Variants in AGMO observed in about 807,000 individuals in gnomAD.
AGMO encodes the protein alkylglycerol monooxygenase, also known as glyceryl-ether monooxygenase.
Under a neutral mutation model 60.2 loss-of-function variants are expected in AGMO, and 75 were observed. The observed-to-expected ratio is 1.25, with a 90% CI of 1.03 to 1.51. The LOEUF (loss-of-function observed/expected upper bound fraction) is 1.51. Among genes scored for constraint, AGMO ranks in the 40% most tolerant of loss-of-function variants. The pLI, the probability that AGMO is intolerant of heterozygous loss-of-function variation, is 0.00. For missense variants in AGMO, 763 were observed against 525.5 expected (o/e 1.45, Z -4.42); for synonymous variants, 261 against 177.1 (o/e 1.47, Z -3.76).
intron 3 of AGMO, among the ~76,000 whole-genome samples, chr7:15,478,644 A>T (rs1212104940): frequency 6.6e-6 from 1 of 152,058 alleles, no homozygotes; most frequent in Non-Finnish European, 1.5e-5. Flanking sequence ...AGAACACTAC[A>T]CATCACGTTG....
chr7:15,503,724 GAAAT>G (rs1783443976), intron 3 of AGMO, among the ~76,000 whole-genome samples: 1 of 151,918 alleles, frequency 6.6e-6, no homozygotes, highest in Non-Finnish European at 1.5e-5. Context: ...GAATGTCATT[GAAAT>G]AGACTTAAAA....
At chr7:15,374,141 C>T (rs745820591) in intron 10 of AGMO, among the ~76,000 whole-genome samples, 1 of 151,568 alleles carries the variant, frequency 6.6e-6, no homozygotes, top group Non-Finnish European at 1.5e-5. Flanking sequence ...TGACACCATA[C>T]TGCAATGTAT....
At chr7:15,290,148 G>C (rs1784220623) in intron 12 of AGMO, among the ~76,000 whole-genome samples, 1 of 151,286 alleles carries the variant, frequency 6.6e-6, no homozygotes, top group South Asian at 2.1e-4. Context: ...TCCTACCTCA[G>C]CCTCCTGAGT....
chr7:15,193,847 T>A, the AGMO span, among the ~76,000 whole-genome samples: 1 of 152,198 alleles, frequency 6.6e-6, no homozygotes, highest in Non-Finnish European at 1.5e-5. Flanking sequence ...CAGCAAAACA[T>A]ACTTTTATTT....
intron 12 of AGMO, among the ~76,000 whole-genome samples, chr7:15,332,853 A>T (rs1408906500): frequency 6.6e-6 from 1 of 152,026 alleles, no homozygotes; most frequent in Non-Finnish European, 1.5e-5. Context: ...ACATTTTCCT[A>T]TCCTAATACT....
At chr7:15,463,177 A>G (rs1342219836) in intron 3 of AGMO, among the ~76,000 whole-genome samples, 2 of 152,212 alleles carry the variant, frequency 1.3e-5, no homozygotes, top group African/African-American at 2.4e-5. Flanking sequence ...TTTAAAATAT[A>G]CAGAAAGTAT....
the AGMO span, among the ~76,000 whole-genome samples, chr7:15,179,686 C>T: frequency 1.1e-4 from 17 of 152,248 alleles, no homozygotes; most frequent in Non-Finnish European, 2.2e-4. Context: ...CTCCTCTAGG[C>T]ACTGCCCTAG....
intron 12 of AGMO, among the ~76,000 whole-genome samples, chr7:15,268,199 G>C (rs547082198): frequency 6.6e-6 from 1 of 151,920 alleles, no homozygotes; most frequent in East Asian, 1.9e-4. Flanking sequence ...ATAGTCTTAT[G>C]AAGTCTCAGT....
intron 12 of AGMO, among the ~76,000 whole-genome samples, chr7:15,317,238 A>C (rs1780953215): frequency 6.6e-6 from 1 of 152,148 alleles, no homozygotes; most frequent in Non-Finnish European, 1.5e-5. Flanking sequence ...TCAGTTTAAG[A>C]TTATTTTTAT....
At chr7:15,340,561 G>A (rs781130923) in intron 12 of AGMO, among the ~76,000 whole-genome samples, 7 of 152,242 alleles carry the variant, frequency 4.6e-5, no homozygotes, top group Middle Eastern at 6.8e-3. Flanking sequence ...CTGTGTCCCA[G>A]CCACTCCAGC....
intron 12 of AGMO, among the ~76,000 whole-genome samples, chr7:15,364,892 G>A (rs1459100429): frequency 3.9e-5 from 6 of 151,988 alleles, no homozygotes; most frequent in African/African-American, 9.7e-5. Flanking sequence ...ACCCTGAATT[G>A]CAAACATAAT....
intron 3 of AGMO, among the ~76,000 whole-genome samples, chr7:15,461,997 A>G (rs1308007945): frequency 6.6e-6 from 1 of 152,166 alleles, no homozygotes; most frequent in African/African-American, 2.4e-5. Context: ...TCAAATGACC[A>G]CAAGTCCACA....
intron 12 of AGMO, among the ~76,000 whole-genome samples, chr7:15,284,276 A>T (rs531609801): frequency 6.6e-6 from 1 of 152,072 alleles, no homozygotes; most frequent in East Asian, 1.9e-4. Flanking sequence ...AATACAAAAC[A>T]TCAATGAAAC....
At chr7:15,318,289 T>C (rs1004031342) in intron 12 of AGMO, among the ~76,000 whole-genome samples, 4 of 152,038 alleles carry the variant, frequency 2.6e-5, no homozygotes, top group African/African-American at 9.7e-5. Flanking sequence ...CAGGCGAGAA[T>C]CACTGTGCCC....
intron 10 of AGMO, among the ~76,000 whole-genome samples, chr7:15,375,300 TAC>T (rs1489675685): frequency 3.3e-5 from 5 of 151,742 alleles, no homozygotes; most frequent in Admixed American, 3.3e-4. Flanking sequence ...ACAAACTAAA[TAC>T]CTTTTCATTA....
chr7:15,299,488 C>T (rs1036693804), intron 12 of AGMO, among the ~76,000 whole-genome samples: 3 of 151,958 alleles, frequency 2.0e-5, no homozygotes, highest in African/African-American at 4.8e-5. Flanking sequence ...ATTTCTCATG[C>T]GAGCATTCAC....
rs4132549 is a variant in AGMO at position 15,282,265 on chromosome 7, T to C, written c.1264-80906A>G. 6.6e-3 allele frequency among the ~76,000 whole-genome samples: 1,007 copies of C among 151,774 alleles called. 6 individuals carry two copies. Among genetic ancestry groups the C allele is most frequent in the African/African-American group, 0.023 (934 of 41,398 alleles). ...AATACCAGATAAAGAATTCAAAAGG[T>C]TGAATATTAAGCTACTCAAGGAGAT... is the stretch of plus-strand genomic sequence containing the variant. On this transcript the variant is annotated intron_variant, in intron 12 of 12. Coordinates refer to ENST00000342526, the MANE Select transcript of AGMO (RefSeq NM_001004320.2).
chr7:15,316,728 CCT>C (rs1422850918), intron 12 of AGMO, among the ~76,000 whole-genome samples: 2 of 152,004 alleles, frequency 1.3e-5, no homozygotes, highest in Admixed American at 6.6e-5. Context: ...TAACGTTTCC[CCT>C]CTCACTGTTT....
chr7:15,488,982 C>G (rs1325678146), intron 3 of AGMO, among the ~76,000 whole-genome samples: 2 of 152,070 alleles, frequency 1.3e-5, no homozygotes, highest in Non-Finnish European at 2.9e-5. Context: ...GGAAAAGTTA[C>G]GATGTGACAT....
Sources: gnomAD v4.1 joint callset for allele counts (sites outside exome capture counted in the v4.1 genomes callset) on GRCh38, gnomAD v4.1.1 for gene constraint, MANE v1.5 for transcripts, NCBI Gene and HGNC (gene_info 2026-07-23, HGNC 2026-07-21) for gene names.